GPR137B: variants seen among roughly 807,000 people sequenced by gnomAD.
GPR137B encodes integral membrane protein GPR137B.
A neutral mutation model predicts 42.5 loss-of-function variants in GPR137B; 42 were observed. The ratio of observed to expected loss-of-function variants is 0.99; its 90% CI spans 0.77 to 1.28. GPR137B has a LOEUF of 1.28. Ranked by LOEUF, GPR137B falls within the 50% of genes most tolerant of loss-of-function variation. GPR137B has a pLI of 0.00. For missense variants in GPR137B, 487 were observed against 493.9 expected, an observed-to-expected ratio of 0.99 and a Z score of 0.13; for synonymous variants, 218 against 209.7, an observed-to-expected ratio of 1.04 and a Z score of -0.34.
intron 5 of GPR137B, among the ~76,000 whole-genome samples, chr1:236,204,179 T>TA (rs1442373347): frequency 2.6e-5 from 4 of 152,240 alleles, no homozygotes; most frequent in Non-Finnish European, 4.4e-5. Flanking sequence ...ATATGGTTTT[T>TA]ATCTTTCATT....
At chr1:236,165,578 T>C (rs1433757362) in intron 1 of GPR137B, among the ~76,000 whole-genome samples, 2 of 152,292 alleles carry the variant, frequency 1.3e-5, no homozygotes, top group East Asian at 3.9e-4. Flanking sequence ...TCCTTTGTTG[T>C]TGTTATCGTT....
chr1:236,191,732 C>T (rs970238651), intron 5 of GPR137B, among the ~76,000 whole-genome samples: 1 of 152,190 alleles, frequency 6.6e-6, no homozygotes, highest in Non-Finnish European at 1.5e-5. Context: ...CAGATGCCAG[C>T]CAGAGCTCTC....
Position 236,207,378 on chromosome 1 carries a change from CTG to C in GPR137B, c.1092-670_1092-669del, listed in dbSNP as rs1663694405. 5.1e-6 allele frequency: 3 copies of C among 583,072 alleles called. No homozygotes were observed. In the Admixed American group the frequency reaches 1.9e-4, roughly 37 times the overall value. The allele number at this position is 583,072 out of a possible 1,614,324, so 36.1% of individuals were successfully genotyped here. On this transcript the variant is annotated intron_variant, in intron 6 of 6. Coordinates refer to ENST00000366592, the MANE Select transcript of GPR137B (RefSeq NM_003272.4). ...TCTGAGCTCCACCTCTTCCTTAAAA[CTG>C]TTCTTTTCCAGTTACCCCACTGCAT...
intron 5 of GPR137B, among the ~76,000 whole-genome samples, chr1:236,192,388 A>C (rs1663215140): frequency 6.6e-6 from 1 of 151,774 alleles, no homozygotes; most frequent in Non-Finnish European, 1.5e-5. Context: ...AAAAAAAAAA[A>C]ACAAAAAACC....
At chr1:236,189,036 G>C (rs528079896) in intron 5 of GPR137B, among the ~76,000 whole-genome samples, 168 of 152,218 alleles carry the variant, frequency 1.1e-3, no homozygotes, top group African/African-American at 3.9e-3. Context: ...ACTTCTCCTG[G>C]TTTAGACTTG....
intron 2 of GPR137B, among the ~76,000 whole-genome samples, chr1:236,176,432 C>T (rs551292685): frequency 6.6e-6 from 1 of 152,170 alleles, no homozygotes; most frequent in Non-Finnish European, 1.5e-5. Flanking sequence ...GTACTTTGTC[C>T]CTCCTCCAGG....
intron 1 of GPR137B, among the ~76,000 whole-genome samples, chr1:236,146,308 C>A (rs1184467273): frequency 6.6e-6 from 1 of 152,116 alleles, no homozygotes; most frequent in African/African-American, 2.4e-5. Flanking sequence ...GTTATTGAAG[C>A]GTCAGGAGAC....
chr1:236,199,311 T>TAATAA (rs2102924075), intron 5 of GPR137B, among the ~76,000 whole-genome samples: 1 of 152,352 alleles, frequency 6.6e-6, no homozygotes, highest in South Asian at 2.1e-4. Context: ...ATTAATATTT[T>TAATAA]GTTGAGGATT....
intron 1 of GPR137B, among the ~76,000 whole-genome samples, chr1:236,149,040 G>A (rs990909868): frequency 2.6e-5 from 4 of 152,158 alleles, no homozygotes; most frequent in Non-Finnish European, 5.9e-5. Flanking sequence ...TCCTCCCTTA[G>A]TTGAGATTCT....
intron 6 of GPR137B, chr1:236,207,281 G>GT (rs1367846595): frequency 2.0e-6 from 2 of 985,126 alleles, no homozygotes; most frequent in East Asian, 2.3e-4. Context: ...TGTAAAGAAC[G>GT]TAAGCTGGAA....
intron 5 of GPR137B, among the ~76,000 whole-genome samples, chr1:236,202,087 T>C (rs1009794700): frequency 6.6e-6 from 1 of 152,080 alleles, no homozygotes; most frequent in African/African-American, 2.4e-5. Flanking sequence ...CAAAGAGTCC[T>C]GTGATGCAAT....
intron 3 of GPR137B, among the ~76,000 whole-genome samples, chr1:236,179,567 T>A (rs1207651147): frequency 6.6e-6 from 1 of 152,180 alleles, no homozygotes; most frequent in Non-Finnish European, 1.5e-5. Flanking sequence ...CTCTTGGAGC[T>A]GAGCAGTGGC....
intron 1 of GPR137B, among the ~76,000 whole-genome samples, chr1:236,154,680 A>G (rs1308119516): frequency 1.3e-5 from 2 of 151,804 alleles, no homozygotes; most frequent in Non-Finnish European, 2.9e-5. Context: ...AAAACCTCAG[A>G]ATTCTCCTCA....
At chr1:236,194,531 A>G (rs1451122076) in intron 5 of GPR137B, among the ~76,000 whole-genome samples, 1 of 152,108 alleles carries the variant, frequency 6.6e-6, no homozygotes, top group African/African-American at 2.4e-5. Context: ...TCATGTGGCC[A>G]CCTCTGTTCA....
intron 5 of GPR137B, among the ~76,000 whole-genome samples, chr1:236,198,829 G>A (rs141684823): frequency 1.4e-4 from 21 of 152,196 alleles, no homozygotes; most frequent in Non-Finnish European, 2.1e-4. Flanking sequence ...TTCTAGGTAT[G>A]CGATTATGTC....
intron 1 of GPR137B, among the ~76,000 whole-genome samples, chr1:236,151,418 A>ATTTTTTTTTTTTTTTTTTTTTTT (rs60574023): frequency 1.4e-5 from 1 of 72,368 alleles, no homozygotes. Flanking sequence ...TTGCATATTC[A>ATTTTTTTTTTTTTTTTTTTTTTT]TTTTTTTTTT....
Position 236,208,459 on chromosome 1 carries a change from TTTTTTC to T in GPR137B, c.*304_*309del. 1.1e-6 allele frequency: 1 copy of T among 897,270 alleles called. No individual in the cohort carries two copies. The highest frequency in any genetic ancestry group is 1.4e-6 in the Non-Finnish European group (1 of 722,874). The allele number at this position is 897,270 out of a possible 1,614,324, so 55.6% of individuals were successfully genotyped here. A position where few individuals can be genotyped will look rare whatever the true frequency, so the allele number is the denominator to read the frequency against. ...ATAATGCTAAAGTATACTAGGGTTT[TTTTTTC>T]TTGAGAATGTTACTGCAATCATGTT... On this transcript the variant is annotated 3_prime_UTR_variant, in exon 7 of 7. Coordinates refer to ENST00000366592, the MANE Select transcript of GPR137B (RefSeq NM_003272.4).
rs1404849837 is a variant in GPR137B at position 236,156,335 on chromosome 1, C to T, written c.415-12371C>T. 6.6e-6 allele frequency among the ~76,000 whole-genome samples: 1 copy of T among 152,184 alleles called. No individual in the cohort carries two copies. The highest frequency in any genetic ancestry group is 6.5e-5 in the Admixed American group (1 of 15,288). On this transcript the variant is annotated intron_variant, in intron 1 of 6. Transcript: ENST00000366592. The surrounding 1 kb of genome is among the most constrained non-coding windows in gnomAD (Gnocchi z 4.8). ...TCTCACACCTGGCCAGCCTGGGACA[C>T]AGACCAGGCACACCTTGGCTTCAGG...
intron 5 of GPR137B, 100 bp downstream of exon 5, chr1:236,184,006 T>C: frequency 1.3e-6 from 1 of 767,378 alleles, no homozygotes; most frequent in Non-Finnish European, 2.1e-6. Flanking sequence ...GAGAGCCTCT[T>C]CCTTTTGTGG....
Sources: gnomAD v4.1 joint callset for allele counts (sites outside exome capture counted in the v4.1 genomes callset) on GRCh38, gnomAD v4.1.1 for gene constraint, Gnocchi (gnomAD v3.1) non-coding constraint, MANE v1.5 for transcripts, NCBI Gene and HGNC (gene_info 2026-07-23, HGNC 2026-07-21) for gene names.